The following SNX29 variants were observed in gnomAD, a reference collection of about 807,000 sequenced individuals.
The protein encoded by SNX29 is sorting nexin 29.
In SNX29, 78 loss-of-function variants were observed where a neutral mutation model predicts 102.1. That is an observed-to-expected ratio of 0.76 (90% CI 0.64 to 0.92). SNX29 has a LOEUF of 0.92. SNX29 is among the 40% of genes least tolerant of loss of function. SNX29 has a pLI of 0.00. For missense variants in SNX29, 1,280 were observed against 1,061.7 expected (o/e 1.21, Z -2.86); for synonymous variants, 580 against 414.5 (o/e 1.40, Z -4.85).
At chr16:12,238,472 C>T (rs1235671118) in intron 14 of SNX29, among the ~76,000 whole-genome samples, 1 of 152,108 alleles carries the variant, frequency 6.6e-6, no homozygotes, top group Non-Finnish European at 1.5e-5. Context: ...ATTACAGCCA[C>T]GTGCCACCAT....
In SNX29 at chr16:12,077,148, G is replaced by A. The variant is rs113029841; in HGVS notation, c.1320-1685G>A. Among the ~76,000 whole-genome samples, 1,205 of 152,220 alleles carry A rather than the reference G, an allele frequency of 7.9e-3. 7 individuals are homozygous for A. The highest frequency in any genetic ancestry group is 0.014 in the Non-Finnish European group (935 of 68,008). On this transcript the variant is annotated intron_variant, in intron 10 of 20. Coordinates refer to ENST00000566228, the MANE Select transcript of SNX29 (RefSeq NM_032167.5). ...ACAAAAATTATCCAGATGTGGTGGT[G>A]CATGCCTGTAGTGTCAGCTACTTGG... is the stretch of plus-strand genomic sequence containing the variant.
In SNX29 at chr16:12,568,609, C is replaced by T; in HGVS notation, c.2422C>T (p.Pro808Ser). The T allele has an allele frequency of 6.2e-7, 1 of 1,604,582 alleles. No homozygotes were observed. The change falls in exon 21 of 21, where the codon CCC (proline) becomes TCC (serine). Residue 808 changes from proline to serine, a missense_variant. Physicochemically the swap from Pro to Ser is moderately conservative, Grantham distance 74 (BLOSUM62 -1). Coordinates refer to ENST00000566228, the MANE Select transcript of SNX29 (RefSeq NM_032167.5). ...GCCCCGGGAGACCCGCAACGTGGAG[C>T]CCCAGAGCGGTGACCTCTGACCTCG... is the stretch of plus-strand genomic sequence containing the variant. ...GQPRETRNVE[P>S]QSGDL is the part of the protein sequence containing the mutation.
intron 20 of SNX29, among the ~76,000 whole-genome samples, chr16:12,556,748 T>G (rs2078376330): frequency 6.6e-6 from 1 of 151,976 alleles, no homozygotes; most frequent in South Asian, 2.1e-4. Context: ...TAAAGAAAAA[T>G]TAAGGCACCC....
chr16:12,101,050 G>A (rs951193425), intron 11 of SNX29, among the ~76,000 whole-genome samples: 1 of 152,160 alleles, frequency 6.6e-6, no homozygotes, highest in East Asian at 1.9e-4. Context: ...AGAGTGCCAC[G>A]AAGAGTGCCT....
chr16:12,544,673 A>G (rs988965721), intron 20 of SNX29, among the ~76,000 whole-genome samples: 6 of 152,200 alleles, frequency 3.9e-5, no homozygotes, highest in African/African-American at 9.6e-5. Context: ...GAAGCCTTTG[A>G]GAGCGCTGTC....
intron 18 of SNX29, among the ~76,000 whole-genome samples, chr16:12,465,501 G>A (rs964174302): frequency 5.9e-5 from 9 of 152,258 alleles, no homozygotes; most frequent in Non-Finnish European, 1.0e-4. Context: ...TGGTGGCTGT[G>A]TCACAGATTA....
At chr16:12,442,960 T>TA (rs1567568157) in intron 18 of SNX29, 1 of 455,478 alleles carries the variant, frequency 2.2e-6, no homozygotes, top group Admixed American at 2.4e-5. Flanking sequence ...TTGCCCATGC[T>TA]AAAGAATACT....
intron 19 of SNX29, among the ~76,000 whole-genome samples, chr16:12,516,493 A>AG (rs890642320): frequency 6.6e-6 from 1 of 151,080 alleles, no homozygotes; most frequent in Non-Finnish European, 1.5e-5. Context: ...AAAAAAAAAA[A>AG]AAAAAAAGGT....
chr16:12,554,298 G>A (rs1449160266), intron 20 of SNX29, among the ~76,000 whole-genome samples: 1 of 152,190 alleles, frequency 6.6e-6, no homozygotes, highest in African/African-American at 2.4e-5. Flanking sequence ...TGCTTCATAT[G>A]AGGTTTCAGT....
intron 14 of SNX29, among the ~76,000 whole-genome samples, chr16:12,218,259 AAAG>A (rs1470562851): frequency 1.3e-5 from 2 of 152,236 alleles, no homozygotes; most frequent in Non-Finnish European, 2.9e-5. Context: ...AGAGGTACGT[AAAG>A]AAGTTAATCT....
intron 11 of SNX29, among the ~76,000 whole-genome samples, chr16:12,086,096 C>A (rs141999082): frequency 6.6e-6 from 1 of 151,268 alleles, no homozygotes; most frequent in African/African-American, 2.4e-5. Flanking sequence ...CTCCGCCTCC[C>A]GGGCTCACGC....
chr16:12,041,901 A>G (rs2049893483), intron 4 of SNX29, among the ~76,000 whole-genome samples: 1 of 152,224 alleles, frequency 6.6e-6, no homozygotes, highest in South Asian at 2.1e-4. Flanking sequence ...TGATTTTTTT[A>G]TAAAAAAGAA....
At chr16:12,403,555 A>G in intron 18 of SNX29, 26 bp downstream of exon 18, 1 of 1,584,808 alleles carries the variant, frequency 6.3e-7, no homozygotes, top group Non-Finnish European at 8.6e-7. Flanking sequence ...TCAGGTGGAC[A>G]TCACAGCTGG....
intron 13 of SNX29, among the ~76,000 whole-genome samples, chr16:12,140,330 G>C (rs761439727): frequency 1.3e-5 from 2 of 152,192 alleles, no homozygotes; most frequent in Non-Finnish European, 2.9e-5. Flanking sequence ...CTTTTTTCCA[G>C]TAGCTCTGGA....
intron 19 of SNX29, among the ~76,000 whole-genome samples, chr16:12,484,025 G>C (rs1255131751): frequency 6.6e-6 from 1 of 152,236 alleles, no homozygotes; most frequent in Non-Finnish European, 1.5e-5. Context: ...CAGCGGGACT[G>C]AGATAGTAAG....
At chr16:12,222,374 G>C (rs1256673766) in intron 14 of SNX29, among the ~76,000 whole-genome samples, 1 of 152,120 alleles carries the variant, frequency 6.6e-6, no homozygotes, top group South Asian at 2.1e-4. Flanking sequence ...TCCTTTCCTT[G>C]TTAGCTCTTC....
chr16:12,015,769 T>G (rs1308982546), intron 3 of SNX29, among the ~76,000 whole-genome samples: 3 of 151,792 alleles, frequency 2.0e-5, no homozygotes, highest in South Asian at 4.2e-4. Flanking sequence ...TCTCCTGACC[T>G]CGTGATCTGC....
intron 3 of SNX29, among the ~76,000 whole-genome samples, chr16:12,023,517 G>A (rs1203387471): frequency 6.7e-6 from 1 of 150,050 alleles, no homozygotes; most frequent in Non-Finnish European, 1.5e-5. Context: ...GATTGAGGCT[G>A]CAGTGAGCTA....
chr16:12,072,740 A>G (rs372464918), intron 10 of SNX29, among the ~76,000 whole-genome samples: 23 of 152,210 alleles, frequency 1.5e-4, no homozygotes, highest in East Asian at 1.4e-3. Flanking sequence ...TTCAGAAGGA[A>G]TGGTACCAGT....
Sources: gnomAD v4.1 joint callset for allele counts (sites outside exome capture counted in the v4.1 genomes callset) on GRCh38, gnomAD v4.1.1 for gene constraint, MANE v1.5 for transcripts, NCBI Gene and HGNC (gene_info 2026-07-23, HGNC 2026-07-21) for gene names.